PCDHGA5: variants seen among roughly 807,000 people sequenced by gnomAD.
PCDHGA5 encodes protocadherin gamma-A5.
Under a neutral mutation model 56.7 loss-of-function variants are expected in PCDHGA5, and 36 were observed. That is an observed-to-expected ratio of 0.64 (90% CI 0.49 to 0.84). The LOEUF is 0.84. Among genes scored for constraint, PCDHGA5 ranks in the 40% least tolerant of loss-of-function variants. The pLI is 0.00. For synonymous variants in PCDHGA5, 563 were observed against 520.2 expected (o/e 1.08, Z -1.12); for missense variants, 1,305 against 1,201.5 (o/e 1.09, Z -1.27).
Position 141,509,375 on chromosome 5 carries a change from T to C in PCDHGA5, c.2570-1572T>C, listed in dbSNP as rs1450730489. Among the ~76,000 whole-genome samples, 6 of 152,168 alleles carry C rather than the reference T, an allele frequency of 3.9e-5. No homozygotes were observed. In the East Asian group the frequency reaches 1.2e-3, roughly 29 times the overall value. On this transcript the variant is annotated intron_variant, in intron 3 of 3. Coordinates refer to ENST00000518069, the MANE Select transcript of PCDHGA5 (RefSeq NM_018918.3). ...GGGCATCCCTGAGGTTTTAACTGTC[T>C]CCTAACCACAGAGGATCTCAGGGCC...
At position 141,393,619 on chromosome 5, in the gene PCDHGA5, C is replaced by T. The variant is rs768350628; in HGVS notation, c.2421+26868C>T. 50 of 1,613,708 alleles carry T rather than the reference C, an allele frequency of 3.1e-5. No homozygotes were observed. Among genetic ancestry groups the T allele is most frequent in the Admixed American group, 6.7e-5 (4 of 60,000 alleles). ...CTGCTTACTGTAACAGCCAGCGACC[C>T]GGATGAGGGAATCAACGGAAAAGTG... On this transcript the variant is annotated intron_variant, in intron 1 of 3. Transcript: ENST00000518069.
chr5:141,395,102 G>T (rs766050798), intron 1 of PCDHGA5: 3 of 1,614,172 alleles, frequency 1.9e-6, no homozygotes, highest in South Asian at 1.1e-5. Flanking sequence ...CCGCCGACTC[G>T]CGGAAGAGTC....
At chr5:141,378,267 G>C (rs747573302) in intron 1 of PCDHGA5, 4 of 152,292 alleles carry the variant, frequency 2.6e-5, no homozygotes, top group Non-Finnish European at 5.9e-5. Context: ...GCTCATGCCT[G>C]TAATCCCAAC....
rs776176122 is a variant in PCDHGA5, at chr5:141,408,982, T to C, written c.2421+42231T>C. 124 of 1,613,830 alleles carry C rather than the reference T, an allele frequency of 7.7e-5. 1 individual carries two copies. Among genetic ancestry groups the C allele is most frequent in the Admixed American group, 3.7e-4 (22 of 59,994 alleles). ...GTGAAAATCTGCCCCCTGGGTCCCC[T>C]GTGTTGCAAGTGACAGCCACTGACC... On this transcript the variant is annotated intron_variant, in intron 1 of 3. Transcript: ENST00000518069.
At chr5:141,427,461 G>A (rs1397917549) in intron 1 of PCDHGA5, 1 of 497,998 alleles carries the variant, frequency 2.0e-6, no homozygotes, top group Admixed American at 2.3e-5. Context: ...TTTTAGAATC[G>A]AATCTTCCGC....
In PCDHGA5 at chr5:141,455,477, C is replaced by T. The variant is rs557286491; in HGVS notation, c.2422-39330C>T. On this transcript the variant is annotated intron_variant, in intron 1 of 3. Coordinates refer to ENST00000518069, the MANE Select transcript of PCDHGA5 (RefSeq NM_018918.3). ...TACCAGCCAGGTATATATGCAGAGG[C>T]TGGTGGAGGTGATGTCTGATTTGCA... Among the ~76,000 whole-genome samples the T allele has an allele frequency of 1.2e-4, 18 of 152,252 alleles. No homozygotes were observed. The South Asian group carries it at 3.7e-3, about 32-fold the overall frequency.
intron 1 of PCDHGA5, chr5:141,408,475 CCGT>C: frequency 6.2e-7 from 1 of 1,614,032 alleles, no homozygotes; most frequent in Non-Finnish European, 8.5e-7. Context: ...ACCGAATAGA[CCGT>C]GAGCAAATAT....
At chr5:141,445,086 A>T (rs190267063) in intron 1 of PCDHGA5, among the ~76,000 whole-genome samples, 163 of 152,322 alleles carry the variant, frequency 1.1e-3, no homozygotes, top group African/African-American at 3.6e-3. Flanking sequence ...TTGTCCCTAC[A>T]TATTTGATGT....
In PCDHGA5 at chr5:141,375,951, C is replaced by T. The variant is rs767101939; in HGVS notation, c.2421+9200C>T. 10 of 1,613,526 alleles carry T rather than the reference C, an allele frequency of 6.2e-6. No individual in the cohort carries two copies. The Admixed American group carries it at 1.5e-4, about 24-fold the overall frequency. ...GGACTTTTCTCAGTGGGCCTGCACA[C>T]GGGCGAGGTGCGCACGGCGCGCGCC... On this transcript the variant is annotated intron_variant, in intron 1 of 3. Transcript: ENST00000518069.
rs776219135 is a variant in PCDHGA5, at chr5:141,403,980, A to G, written c.2421+37229A>G. ...ATTTCGGTGGAAGATGTAAATGACA[A>G]TAGACCTGAAGTGACCATTACATCT... On this transcript the variant is annotated intron_variant, in intron 1 of 3. Coordinates refer to ENST00000518069, the MANE Select transcript of PCDHGA5 (RefSeq NM_018918.3). The G allele has an allele frequency of 5.0e-6, 8 of 1,613,890 alleles. No homozygotes were observed. In the South Asian group the frequency reaches 8.8e-5, roughly 18 times the overall value.
chr5:141,387,938 T>G (rs1461367286), intron 1 of PCDHGA5: 1 of 1,476,714 alleles, frequency 6.8e-7, no homozygotes, highest in South Asian at 1.4e-5. Context: ...CAGTGCTCTT[T>G]CTCTTCCTGC....
chr5:141,374,507 A>T, intron 1 of PCDHGA5: 1 of 1,611,446 alleles, frequency 6.2e-7, no homozygotes. Flanking sequence ...GGAAGTGAAA[A>T]TTCTCGAAAA....
intron 1 of PCDHGA5, chr5:141,370,925 C>T (rs1292549749): frequency 1.9e-6 from 3 of 1,614,008 alleles, no homozygotes; most frequent in Non-Finnish European, 2.5e-6. Context: ...CTGATCCGCA[C>T]TTCTCTTTGA....
chr5:141,497,239 G>A (rs2099775226), intron 2 of PCDHGA5, among the ~76,000 whole-genome samples: 1 of 152,104 alleles, frequency 6.6e-6, no homozygotes, highest in Admixed American at 6.5e-5. Flanking sequence ...AAGGCTTCTA[G>A]GAGGAGGTGA....
chr5:141,375,832 G>T, intron 1 of PCDHGA5: 1 of 1,614,146 alleles, frequency 6.2e-7, no homozygotes, highest in Non-Finnish European at 8.5e-7. Flanking sequence ...GCTCCGCAGA[G>T]CCCGGCTACC....
chr5:141,383,239 A>T, intron 1 of PCDHGA5: 1 of 1,613,966 alleles, frequency 6.2e-7, no homozygotes, highest in South Asian at 1.1e-5. Flanking sequence ...GGAAGATAAA[A>T]TGAATCTTTA....
intron 1 of PCDHGA5, among the ~76,000 whole-genome samples, chr5:141,483,302 C>G (rs1262756268): frequency 2.0e-5 from 3 of 152,012 alleles, no homozygotes; most frequent in Admixed American, 6.5e-5. Context: ...AGTGAAGGGA[C>G]TGGGGACATT....
At chr5:141,473,450 T>A (rs2099322542) in intron 1 of PCDHGA5, among the ~76,000 whole-genome samples, 2 of 152,150 alleles carry the variant, frequency 1.3e-5, no homozygotes, top group South Asian at 4.1e-4. Flanking sequence ...AAAATAATTA[T>A]AAAATTTAAA....
intron 1 of PCDHGA5, chr5:141,419,910 C>A (rs539905795): frequency 1.9e-6 from 3 of 1,613,968 alleles, no homozygotes; most frequent in Non-Finnish European, 2.5e-6. Flanking sequence ...CCCTCTGACT[C>A]CCAGGCTGAG....
Sources: allele counts gnomAD v4.1 joint callset (sites outside exome capture counted in the v4.1 genomes callset), GRCh38; gene constraint gnomAD v4.1.1; transcripts MANE v1.5; gene names NCBI Gene and HGNC (gene_info 2026-07-23, HGNC 2026-07-21).